Variants in NATD1 observed in about 807,000 individuals in gnomAD.
NATD1 encodes N-acetyltransferase domain containing 1, also known as protein NATD1.
In NATD1, 9 loss-of-function variants were observed where a neutral mutation model predicts 12.0. That is an observed-to-expected ratio of 0.75 (90% CI 0.45 to 1.30). The LOEUF (loss-of-function observed/expected upper bound fraction) is 1.30, where lower values mean the gene tolerates loss of function less well. NATD1 is among the 50% of genes most tolerant of loss of function. The pLI is 0.00. For synonymous variants in NATD1, 71 were observed against 65.9 expected (o/e 1.08, Z -0.37); for missense variants, 148 against 148.5 (o/e 1.00, Z 0.02).
chr17:21,250,652 T>C (rs1339294365), intron 1 of NATD1, among the ~76,000 whole-genome samples: 2 of 152,204 alleles, frequency 1.3e-5, no homozygotes, highest in African/African-American at 2.4e-5. Flanking sequence ...CATCTGTATA[T>C]GGGAAATGCA....
At chr17:21,251,069 A>G (rs539545556) in intron 1 of NATD1, among the ~76,000 whole-genome samples, 2 of 151,546 alleles carry the variant, frequency 1.3e-5, no homozygotes, top group East Asian at 3.9e-4. Context: ...GAAGAGCCCC[A>G]CCCTGTGCTG....
At chr17:21,247,744 T>G (rs1286521579) in intron 1 of NATD1, among the ~76,000 whole-genome samples, 1 of 152,178 alleles carries the variant, frequency 6.6e-6, no homozygotes, top group African/African-American at 2.4e-5. Context: ...AGGCAGCTCT[T>G]AGAGCCTAGC....
At chr17:21,248,691 C>T (rs1007528682) in intron 1 of NATD1, among the ~76,000 whole-genome samples, 1 of 151,918 alleles carries the variant, frequency 6.6e-6, no homozygotes, top group Non-Finnish European at 1.5e-5. Context: ...TGGGCCTGGC[C>T]CAGGCCCTTA....
rs758131826 is a variant in NATD1 at position 21,244,035 on chromosome 17, G to A, written c.225+71C>T. 30 of 1,385,078 alleles carry A rather than the reference G, an allele frequency of 2.2e-5. No individual in the cohort carries two copies. The highest frequency in any genetic ancestry group is 1.3e-4 in the South Asian group (10 of 75,056). The allele number at this position is 1,385,078 out of a possible 1,614,324, so 85.8% of individuals were successfully genotyped here. A position where few individuals can be genotyped will look rare whatever the true frequency, so the allele number is the denominator to read the frequency against. ...GGCTGAAGTGGCCACCAGGGCCACCGTCTCCTCGGAGCGAAGGTGGCAGCC... is the reference window on the plus strand; with the variant it reads ...GGCTGAAGTGGCCACCAGGGCCACCATCTCCTCGGAGCGAAGGTGGCAGCC... On this transcript the variant is annotated intron_variant, in intron 2 of 2. Transcript: ENST00000611551. The surrounding 1 kb of genome is among the most constrained non-coding windows in gnomAD (Gnocchi z 5.2).
intron 1 of NATD1, among the ~76,000 whole-genome samples, chr17:21,246,439 G>A (rs761470356): frequency 5.5e-4 from 83 of 151,452 alleles, no homozygotes; most frequent in African/African-American, 1.9e-3. Flanking sequence ...ACTTGAACCC[G>A]GGAGGCAGAG....
At chr17:21,249,194 C>G (rs74904560) in intron 1 of NATD1, among the ~76,000 whole-genome samples, 2 of 152,018 alleles carry the variant, frequency 1.3e-5, no homozygotes, top group African/African-American at 4.8e-5. Flanking sequence ...ACACTGACCC[C>G]GCAAGGAGAG....
rs1405504923 is a variant in NATD1, at chr17:21,241,590, C to T, written c.*1723G>A. On this transcript the variant is annotated 3_prime_UTR_variant, in exon 3 of 3. Transcript: ENST00000611551. The stretch of plus-strand genomic sequence containing the variant: ...GCTTTCTCCGACCTCTCACACAAGC[C>T]CTTTGCAAAAGAGCTGACTTCCTGG... 1 of 152,550 alleles carries T rather than the reference C, an allele frequency of 6.6e-6. No individual in the cohort carries two copies. The highest frequency in any genetic ancestry group is 1.9e-4 in the East Asian group (1 of 5,190). The allele number at this position is 152,550 out of a possible 1,614,324, so 9.4% of individuals were successfully genotyped here.
In NATD1 at chr17:21,243,403, C is replaced by T. The variant is rs1388047151; in HGVS notation, c.252G>A (p.Glu84=). 1 of 1,613,360 alleles carries T rather than the reference C, an allele frequency of 6.2e-7. No homozygotes were observed. Among genetic ancestry groups the T allele is most frequent in the Non-Finnish European group, 8.5e-7 (1 of 1,179,956 alleles). ...AGCAGGTGAGATGGGCCTTCAGGTC[C>T]TCCTCCACCACGAAGTCCAGGGCGG... The part of the protein sequence containing the change: ...AKAALDFVVE[E]DLKAHLTCWY... Residue 84 remains glutamate (E), a synonymous_variant, in exon 3 of 3, where the codon GAG becomes GAA. Coordinates refer to ENST00000611551, the MANE Select transcript of NATD1 (RefSeq NM_152914.3).
chr17:21,248,045 GC>G (rs1975341734), intron 1 of NATD1, among the ~76,000 whole-genome samples: 1 of 152,062 alleles, frequency 6.6e-6, no homozygotes, highest in African/African-American at 2.4e-5. Context: ...ATCTGGGGTG[GC>G]CACGGTGGTG....
At position 21,243,316 on chromosome 17, in the gene NATD1, C is replaced by T. The variant is rs572913367; in HGVS notation, c.339G>A (p.Pro113=). ...CGCTCCCGCCTGCAGGCCAGGGTTA[C>T]GGCTGCAGGCGCTCCAGGTACTGCG... ...PLPQYLERLQ[P] The change falls in exon 3 of 3, where the codon CCG becomes CCA. Residue 113 remains proline, a synonymous_variant. Transcript: ENST00000611551. 15 of 1,611,458 alleles carry T rather than the reference C, an allele frequency of 9.3e-6. No individual in the cohort carries two copies. Among genetic ancestry groups the T allele is most frequent in the Admixed American group, 3.3e-5 (2 of 59,992 alleles).
intron 1 of NATD1, among the ~76,000 whole-genome samples, chr17:21,246,967 G>A (rs1975330878): frequency 6.6e-6 from 1 of 152,170 alleles, no homozygotes; most frequent in South Asian, 2.1e-4. Flanking sequence ...AGATCCTGGG[G>A]CCAGACCACA....
chr17:21,249,598 G>A (rs923878340), intron 1 of NATD1, among the ~76,000 whole-genome samples: 2 of 152,206 alleles, frequency 1.3e-5, no homozygotes, highest in Non-Finnish European at 2.9e-5. Flanking sequence ...TGGGGCCTCA[G>A]TCTTCCTGGC....
rs946843090 is a variant in NATD1, at chr17:21,244,174, C to T, written c.157G>A (p.Val53Met). 5.0e-6 allele frequency: 8 copies of T among 1,613,142 alleles called. No individual in the cohort carries two copies. The highest frequency in any genetic ancestry group is 1.7e-5 in the Admixed American group (1 of 59,968). The stretch of plus-strand genomic sequence containing the variant: ...GGGACCTCGGTGTGCTGCAGGTCCA[C>T]GATCCGCTTGCCCACGTACTCATAG... ...LLYEYVGKRI[V>M]DLQHTEVPDA... is the part of the protein sequence containing the mutation. The change falls in exon 2 of 3, where the codon GTG (valine) becomes ATG (methionine). Residue 53 changes from valine (V) to methionine (M), a missense_variant. Val to Met is a conservative substitution (Grantham distance 21, BLOSUM62 1). Transcript: ENST00000611551. The surrounding 1 kb of genome is among the most constrained non-coding windows in gnomAD (Gnocchi z 5.2).
Position 21,240,590 on chromosome 17 carries a change from G to A in NATD1, c.*2723C>T, listed in dbSNP as rs1158864491. 6.6e-6 allele frequency: 1 copy of A among 152,630 alleles called. No homozygotes were observed. Among genetic ancestry groups the A allele is most frequent in the Non-Finnish European group, 1.5e-5 (1 of 68,100 alleles). The allele number at this position is 152,630 out of a possible 1,614,324, so 9.5% of individuals were successfully genotyped here. ...CCGGCCCTGAGGAGGGAAGGCACGAGTCACTGCCTATTTTGACCCGGCAAG... is the reference window on the plus strand; with the variant it reads ...CCGGCCCTGAGGAGGGAAGGCACGAATCACTGCCTATTTTGACCCGGCAAG... On this transcript the variant is annotated 3_prime_UTR_variant, in exon 3 of 3. Coordinates refer to ENST00000611551, the MANE Select transcript of NATD1 (RefSeq NM_152914.3).
chr17:21,245,129 A>G (rs1975314328), intron 1 of NATD1, among the ~76,000 whole-genome samples: 1 of 152,046 alleles, frequency 6.6e-6, no homozygotes, highest in African/African-American at 2.4e-5. Context: ...CAGGAAGGAG[A>G]GGGCACCAGC....
intron 1 of NATD1, among the ~76,000 whole-genome samples, chr17:21,247,625 G>T (rs1457464184): frequency 1.3e-5 from 2 of 152,206 alleles, no homozygotes; most frequent in African/African-American, 4.8e-5. Flanking sequence ...AGATCACCTG[G>T]CAGAGTTGAG....
rs1304054032 is a variant in NATD1 at position 21,253,182 on chromosome 17, C to A, written c.83G>T (p.Arg28Leu). ...PIRVEHDRRR[R>L]QFTVRLNGCH... ...ACCGTTGAGCCGGACAGTGAACTGG[C>A]GGCGCCGGCGGTCGTGCTCCACGCG... The change falls in exon 1 of 3, where the codon CGC becomes CTC. Residue 28 changes from arginine to leucine, a missense_variant. Arg to Leu is a moderately radical substitution (Grantham distance 102, BLOSUM62 -2). Transcript: ENST00000611551. 3 of 1,015,518 alleles carry A rather than the reference C, an allele frequency of 3.0e-6. No individual in the cohort carries two copies. Among genetic ancestry groups the A allele is most frequent in the African/African-American group, 1.7e-5 (1 of 57,278 alleles). 62.9% of individuals were successfully genotyped at this position (1,015,518 alleles called of 1,614,324 possible). A position where few individuals can be genotyped will look rare whatever the true frequency, so the allele number is the denominator to read the frequency against.
At chr17:21,246,279 C>T (rs1975324055) in intron 1 of NATD1, among the ~76,000 whole-genome samples, 1 of 152,206 alleles carries the variant, frequency 6.6e-6, no homozygotes, top group Middle Eastern at 3.4e-3. Flanking sequence ...TTTGGGAGGC[C>T]GAGGTGGGTG....
intron 1 of NATD1, among the ~76,000 whole-genome samples, chr17:21,249,648 G>T (rs961322042): frequency 6.6e-6 from 1 of 152,164 alleles, no homozygotes; most frequent in Non-Finnish European, 1.5e-5. Flanking sequence ...AAGTTCCAGG[G>T]TTCTGCACCC....
Sources: gnomAD v4.1 joint callset for allele counts (sites outside exome capture counted in the v4.1 genomes callset) on GRCh38, gnomAD v4.1.1 for gene constraint, Gnocchi (gnomAD v3.1) non-coding constraint, MANE v1.5 for transcripts, NCBI Gene and HGNC (gene_info 2026-07-23, HGNC 2026-07-21) for gene names.